Variants in PPP1R1C observed in about 807,000 individuals in gnomAD.
PPP1R1C encodes protein phosphatase 1 regulatory subunit 1C.
PPP1R1C carries 15 observed loss-of-function variants against 17.4 expected under a neutral mutation model. That is an observed-to-expected ratio of 0.86 (90% CI 0.58 to 1.33). PPP1R1C has a LOEUF of 1.33. PPP1R1C is among the 40% of genes most tolerant of loss of function. PPP1R1C has a pLI of 0.00. For missense variants in PPP1R1C, 143 were observed against 130.0 expected, an observed-to-expected ratio of 1.10 and a Z score of -0.48; for synonymous variants, 35 against 43.1, an observed-to-expected ratio of 0.81 and a Z score of 0.73.
At chr2:181,990,762 C>T (rs1344235994) in intron 2 of PPP1R1C, among the ~76,000 whole-genome samples, 3 of 152,144 alleles carry the variant, frequency 2.0e-5, no homozygotes, top group African/African-American at 7.2e-5. Flanking sequence ...AGAGTAACAA[C>T]GAAAACACTC....
chr2:181,962,492 G>A lies in PPP1R1C; in HGVS notation n.111+7858G>A, dbSNP rs117092686. ...GGTGAAGCTCATGCTATCCAGGGAG[G>A]AGAGTGAGAGGACAGGACTCAGGCT... On this transcript the variant is annotated intron_variant and non_coding_transcript_variant, in intron 1 of 5. Coordinates refer to the PPP1R1C transcript ENST00000464264. This position sits in a 1 kb window ranked among gnomAD's most constrained non-coding sequence, Gnocchi z 6.0. 4 of 684,186 alleles carry A rather than the reference G, an allele frequency of 5.8e-6. No homozygotes were observed. In the East Asian group the frequency reaches 1.2e-4, roughly 20 times the overall value. The allele number at this position is 684,186 out of a possible 1,614,324, so 42.4% of individuals were successfully genotyped here.
chr2:181,957,224 G>T lies in PPP1R1C; in HGVS notation n.111+2590G>T, dbSNP rs1201296128. Reference sequence around the variant, plus strand: ...AAAATACAAAAATTAGCCAGGCATGGTAGTGCACCCCTGTAATCCCAGCTA... The same window carrying T: ...AAAATACAAAAATTAGCCAGGCATGTTAGTGCACCCCTGTAATCCCAGCTA... On this transcript the variant is annotated intron_variant and non_coding_transcript_variant, in intron 1 of 5. Coordinates refer to the PPP1R1C transcript ENST00000464264. The surrounding 1 kb of genome is among the most constrained non-coding windows in gnomAD (Gnocchi z 4.2). 1.3e-5 allele frequency among the ~76,000 whole-genome samples: 2 copies of T among 152,166 alleles called. No homozygotes were observed. Among genetic ancestry groups the T allele is most frequent in the African/African-American group, 4.8e-5 (2 of 41,434 alleles).
intron 4 of PPP1R1C, among the ~76,000 whole-genome samples, chr2:182,096,214 C>CG (rs1365509718): frequency 6.6e-6 from 1 of 152,028 alleles, no homozygotes; most frequent in Non-Finnish European, 1.5e-5. Context: ...ATGGTAAAAA[C>CG]GGGGGAATTT....
chr2:182,056,480 C>T (rs1687687952), intron 2 of PPP1R1C, among the ~76,000 whole-genome samples: 2 of 152,194 alleles, frequency 1.3e-5, no homozygotes, highest in African/African-American at 2.4e-5. Context: ...ATTTACAAGA[C>T]TGTTTTTATT....
intron 2 of PPP1R1C, among the ~76,000 whole-genome samples, chr2:182,026,220 C>T (rs1456318609): frequency 3.7e-4 from 37 of 101,184 alleles, no homozygotes; most frequent in Non-Finnish European, 4.7e-4. Flanking sequence ...TTAATTAGAT[C>T]CCATTTGTCA....
downstream of PPP1R1C, among the ~76,000 whole-genome samples, chr2:182,119,169 C>T (rs555982604): frequency 1.6e-3 from 243 of 151,400 alleles, no homozygotes; most frequent in Admixed American, 2.9e-3. Context: ...GTTTTTTTGT[C>T]CTTGCAATAG....
rs376480707 is a variant in PPP1R1C, at chr2:182,035,661, GCT to G, written c.143-25769_143-25768del. Among the ~76,000 whole-genome samples the G allele has an allele frequency of 6.6e-5, 10 of 151,336 alleles. No homozygotes were observed. In the East Asian group the frequency reaches 1.7e-3, roughly 26 times the overall value. On this transcript the variant is annotated intron_variant, in intron 2 of 4. Transcript: ENST00000682840. Reference sequence around the variant, plus strand: ...GAAAGTGTGTAGCACCTCCCCCTTCGCTCTCTCTCTCTCATGCTGGCCAAGTG... The same window carrying G: ...GAAAGTGTGTAGCACCTCCCCCTTCGCTCTCTCTCTCATGCTGGCCAAGTG...
intron 1 of PPP1R1C, among the ~76,000 whole-genome samples, chr2:181,970,332 T>C (rs549307691): frequency 6.6e-6 from 1 of 152,314 alleles, no homozygotes; most frequent in Non-Finnish European, 1.5e-5. Context: ...ATATTGGTCA[T>C]TGCAGCCATA....
At chr2:182,044,569 A>C (rs1327850133) in intron 2 of PPP1R1C, among the ~76,000 whole-genome samples, 1 of 152,200 alleles carries the variant, frequency 6.6e-6, no homozygotes, top group Non-Finnish European at 1.5e-5. Flanking sequence ...TATTTCCTTT[A>C]AGGAAAAAAA....
chr2:181,984,001 T>C (rs73976919), upstream of PPP1R1C, among the ~76,000 whole-genome samples: 16,130 of 152,240 alleles, frequency 0.11, 1,049 homozygotes, highest in African/African-American at 0.17. Context: ...AACCATTTTA[T>C]TGGTATTTAT....
Position 182,020,739 on chromosome 2 carries a change from A to C in PPP1R1C, c.142+32840A>C, listed in dbSNP as rs141448629. On this transcript the variant is annotated intron_variant, in intron 2 of 4. Transcript: ENST00000682840. ...AGTAGGAGCCCATATCTTAAGAGAA[A>C]GAAAAAGAAAATACTTTTGTTCTGA... Among the ~76,000 whole-genome samples, 49 of 152,292 alleles carry C rather than the reference A, an allele frequency of 3.2e-4. No individual in the cohort carries two copies. The East Asian group carries it at 8.7e-3, about 27-fold the overall frequency.
intron 2 of PPP1R1C, among the ~76,000 whole-genome samples, chr2:181,993,788 C>T (rs188602911): frequency 6.6e-5 from 10 of 152,066 alleles, no homozygotes; most frequent in Admixed American, 6.5e-4. Flanking sequence ...AGCTAAATAG[C>T]CCAATCAGTT....
In PPP1R1C at chr2:182,063,678, A is replaced by G. The variant is rs1002185031; in HGVS notation, c.181-53A>G. 9 of 1,376,844 alleles carry G rather than the reference A, an allele frequency of 6.5e-6. No homozygotes were observed. In the Admixed American group the frequency reaches 1.3e-4, roughly 21 times the overall value. 85.3% of individuals were successfully genotyped at this position (1,376,844 alleles called of 1,614,324 possible). A position where few individuals can be genotyped will look rare whatever the true frequency, so the allele number is the denominator to read the frequency against. ...TTATTTCCCTCACAGGTCTGATGGC[A>G]TCGTACTTTGTATCCAAATCTAAGG... On this transcript the variant is annotated intron_variant, in intron 3 of 4. Coordinates refer to ENST00000682840, the MANE Select transcript of PPP1R1C (RefSeq NM_001080545.3).
Position 182,021,333 on chromosome 2 carries a change from T to C in PPP1R1C, c.142+33434T>C, listed in dbSNP as rs1428500070. On this transcript the variant is annotated intron_variant, in intron 2 of 4. Transcript: ENST00000682840. ...TTTCTCTCTCTCTCTTTTTTTTTTT[T>C]TTTTTTTTTTTTTTTAATGGAGTCT... 8.6e-5 allele frequency among the ~76,000 whole-genome samples: 12 copies of C among 138,952 alleles called. 1 individual carries two copies. The highest frequency in any genetic ancestry group is 2.3e-4 in the African/African-American group (8 of 34,122). 91.2% of individuals were successfully genotyped at this position (138,952 alleles called of 152,430 possible).
intron 4 of PPP1R1C, among the ~76,000 whole-genome samples, chr2:182,108,855 A>C (rs1399021509): frequency 6.6e-6 from 1 of 152,162 alleles, no homozygotes; most frequent in East Asian, 1.9e-4. Flanking sequence ...TTGTGTGGAC[A>C]TCAGTTTTCG....
intron 4 of PPP1R1C, among the ~76,000 whole-genome samples, chr2:182,083,646 C>G (rs1280261757): frequency 6.6e-6 from 1 of 152,040 alleles, no homozygotes; most frequent in Non-Finnish European, 1.5e-5. Context: ...ACCACATTTT[C>G]TTTATCCGAT....
chr2:181,975,408 A>C (rs1014807901), intron 2 of PPP1R1C: 1 of 151,986 alleles, frequency 6.6e-6, no homozygotes, highest in African/African-American at 2.4e-5. Context: ...CTCTGAGTAG[A>C]AAATGTGAAG....
intron 1 of PPP1R1C, among the ~76,000 whole-genome samples, chr2:181,968,233 A>G (rs1684941043): frequency 6.6e-6 from 1 of 152,218 alleles, no homozygotes; most frequent in Admixed American, 6.5e-5. Context: ...GCATAGATTA[A>G]GTCCAAAGTT....
intron 2 of PPP1R1C, among the ~76,000 whole-genome samples, chr2:181,993,843 A>G (rs1685536159): frequency 6.6e-6 from 1 of 152,094 alleles, no homozygotes; most frequent in Admixed American, 6.6e-5. Context: ...CTTGATAGTG[A>G]CAAGGCTTGC....
Sources: gnomAD v4.1 joint callset for allele counts (sites outside exome capture counted in the v4.1 genomes callset) on GRCh38, gnomAD v4.1.1 for gene constraint, Gnocchi (gnomAD v3.1) non-coding constraint, MANE v1.5 for transcripts, NCBI Gene and HGNC (gene_info 2026-07-23, HGNC 2026-07-21) for gene names.